ERG: variants seen among roughly 807,000 people sequenced by gnomAD.
ERG encodes the protein transcriptional regulator ERG.
Under a neutral mutation model 55.3 loss-of-function variants are expected in ERG, and 9 were observed. The ratio of observed to expected loss-of-function variants is 0.16; its 90% CI spans 0.10 to 0.28. The LOEUF is 0.28. Among genes scored for constraint, ERG ranks in the 10% least tolerant of loss-of-function variants. The pLI is 1.00. For missense variants in ERG, 434 were observed against 631.6 expected (o/e 0.69, Z 3.35); for synonymous variants, 223 against 237.3 (o/e 0.94, Z 0.55).
intron 1 of ERG, among the ~76,000 whole-genome samples, chr21:38,453,982 ACCT>A (rs2058965083): frequency 6.6e-6 from 1 of 151,450 alleles, no homozygotes; most frequent in Admixed American, 6.6e-5. Flanking sequence ...ATCTGTGGAA[ACCT>A]CCTGTTTGTA....
Position 38,629,850 on chromosome 21 carries a change from C to T in ERG, c.-150+31808G>A, listed in dbSNP as rs149169578. On this transcript the variant is annotated intron_variant, in intron 1 of 10. Coordinates refer to the ERG transcript ENST00000398910. Reference sequence around the variant, plus strand: ...CACAATAAACAAAATGTGGAAACAACCTATTCATGATCAACAGATGAACAG... The same window carrying T: ...CACAATAAACAAAATGTGGAAACAATCTATTCATGATCAACAGATGAACAG... Among the ~76,000 whole-genome samples, 103 of 152,246 alleles carry T rather than the reference C, an allele frequency of 6.8e-4. 1 individual carries two copies. Among genetic ancestry groups the T allele is most frequent in the African/African-American group, 2.1e-3 (87 of 41,536 alleles).
At chr21:38,656,331 T>C (rs2060518796) in intron 1 of ERG, among the ~76,000 whole-genome samples, 1 of 152,168 alleles carries the variant, frequency 6.6e-6, no homozygotes, top group African/African-American at 2.4e-5. Flanking sequence ...CACGTTCCCA[T>C]TGCCAATTTC....
At chr21:38,610,639 G>C (rs1330247416) in intron 1 of ERG, among the ~76,000 whole-genome samples, 2 of 152,226 alleles carry the variant, frequency 1.3e-5, no homozygotes, top group Non-Finnish European at 2.9e-5. Flanking sequence ...TTGTACCAGT[G>C]CTTAAAGACA....
intron 2 of ERG, among the ~76,000 whole-genome samples, chr21:38,550,662 G>T (rs2059818422): frequency 6.6e-6 from 1 of 152,198 alleles, no homozygotes; most frequent in Non-Finnish European, 1.5e-5. Context: ...AGTTTCTGTT[G>T]TTTATATGCC....
upstream of ERG, among the ~76,000 whole-genome samples, chr21:38,588,796 G>T (rs2060082484): frequency 6.6e-6 from 1 of 152,052 alleles, no homozygotes; most frequent in Non-Finnish European, 1.5e-5. Flanking sequence ...GCTCACTGCA[G>T]CCTGGACCCT....
At chr21:38,610,190 G>T (rs1319895207) in intron 1 of ERG, among the ~76,000 whole-genome samples, 1 of 152,100 alleles carries the variant, frequency 6.6e-6, no homozygotes, top group Non-Finnish European at 1.5e-5. Flanking sequence ...TATGCACTTC[G>T]GTTTCTTCCA....
At chr21:38,397,624 G>C (rs1452952633) in intron 6 of ERG, among the ~76,000 whole-genome samples, 1 of 146,146 alleles carries the variant, frequency 6.8e-6, no homozygotes, top group African/African-American at 2.5e-5. Context: ...AAAAAGAAGA[G>C]AAAAGAAGAT....
chr21:38,540,179 G>T (rs530615870), intron 2 of ERG, among the ~76,000 whole-genome samples: 1 of 152,012 alleles, frequency 6.6e-6, no homozygotes, highest in African/African-American at 2.4e-5. Flanking sequence ...TACAGGCTGA[G>T]CCACTGTGCC....
At chr21:38,469,561 GCTA>G (rs2059122313) in intron 1 of ERG, among the ~76,000 whole-genome samples, 1 of 152,096 alleles carries the variant, frequency 6.6e-6, no homozygotes, top group Admixed American at 6.5e-5. Context: ...ACTGCTTTGG[GCTA>G]TTCTCCTTCT....
chr21:38,593,892 T>C (rs2060116015), intron 1 of ERG, among the ~76,000 whole-genome samples: 1 of 152,140 alleles, frequency 6.6e-6, no homozygotes, highest in Non-Finnish European at 1.5e-5. Flanking sequence ...GCAGATATAG[T>C]ATAGAGAGGC....
intron 2 of ERG, among the ~76,000 whole-genome samples, chr21:38,519,387 C>T (rs185960867): frequency 7.9e-5 from 12 of 152,284 alleles, no homozygotes; most frequent in East Asian, 1.9e-4. Context: ...GTAGCAGTCA[C>T]GCAGCACCGG....
At chr21:38,430,365 T>C (rs917127501) in intron 2 of ERG, among the ~76,000 whole-genome samples, 1 of 152,260 alleles carries the variant, frequency 6.6e-6, no homozygotes, top group Admixed American at 6.5e-5. Flanking sequence ...CTGTGGGTTG[T>C]CTGTTTGCTG....
chr21:38,471,547 C>T (rs2059139398), intron 1 of ERG: 1 of 152,216 alleles, frequency 6.6e-6, no homozygotes, highest in African/African-American at 2.4e-5. Flanking sequence ...CCCGTCTCTA[C>T]TTTCCCAAGA....
At chr21:38,657,238 T>C (rs1402080785) in intron 1 of ERG, among the ~76,000 whole-genome samples, 1 of 152,236 alleles carries the variant, frequency 6.6e-6, no homozygotes, top group Non-Finnish European at 1.5e-5. Context: ...AAACTTCCTT[T>C]GCACATTCTC....
intron 1 of ERG, among the ~76,000 whole-genome samples, chr21:38,600,097 G>C (rs1249281566): frequency 6.6e-6 from 1 of 152,210 alleles, no homozygotes. Flanking sequence ...AAGTTTACAA[G>C]AGCGAGCATA....
chr21:38,504,070 C>T (rs567829663), intron 2 of ERG, among the ~76,000 whole-genome samples: 10 of 152,220 alleles, frequency 6.6e-5, no homozygotes, highest in Admixed American at 2.6e-4. Context: ...TATCCCCCAG[C>T]AGCACATTAA....
chr21:38,499,443 T>C (rs1323673707), upstream of ERG, among the ~76,000 whole-genome samples: 3 of 152,170 alleles, frequency 2.0e-5, no homozygotes, highest in Admixed American at 6.5e-5. Flanking sequence ...AGGAAATTGC[T>C]TGGAAGAAAC....
chr21:38,434,745 T>C (rs1371769721), intron 2 of ERG, among the ~76,000 whole-genome samples: 3 of 152,176 alleles, frequency 2.0e-5, no homozygotes, highest in Non-Finnish European at 2.9e-5. Flanking sequence ...TGTGAGGACA[T>C]CCCTGAGATG....
At chr21:38,661,212 C>G (rs1271295378) in intron 1 of ERG, among the ~76,000 whole-genome samples, 1 of 152,142 alleles carries the variant, frequency 6.6e-6, no homozygotes, top group African/African-American at 2.4e-5. Context: ...GGGGTGCGCG[C>G]TCCTCCTAAC....
Sources: allele counts gnomAD v4.1 joint callset (sites outside exome capture counted in the v4.1 genomes callset), GRCh38; gene constraint gnomAD v4.1.1; transcripts MANE v1.5; gene names NCBI Gene and HGNC (gene_info 2026-07-23, HGNC 2026-07-21).